The following ANKRD36C variants were observed in gnomAD, a reference collection of about 807,000 sequenced individuals.
ANKRD36C encodes the protein ankyrin repeat domain-containing protein 36C.
A neutral mutation model predicts 276.4 loss-of-function variants in ANKRD36C; 61 were observed. The ratio of observed to expected loss-of-function variants is 0.22; its 90% CI spans 0.18 to 0.27. The LOEUF is 0.27. ANKRD36C is among the 10% of genes least tolerant of loss of function. The pLI, the probability that ANKRD36C is intolerant of heterozygous loss-of-function variation, is 1.00. For synonymous variants in ANKRD36C, 483 were observed against 680.1 expected (o/e 0.71, Z 4.51); for missense variants, 1,447 against 2,032.3 (o/e 0.71, Z 5.54).
At chr2:95,852,325 T>G (rs74595582) in intron 64 of ANKRD36C, 129 bp from the exon 85 acceptor site, 1 of 766,410 alleles carries the variant, frequency 1.3e-6, no homozygotes, top group South Asian at 1.8e-5. Context: ...TAAAAGGTCA[T>G]AATCTAGGAG....
intron 24 of ANKRD36C, among the ~76,000 whole-genome samples, chr2:95,929,559 G>A: frequency 6.6e-6 from 1 of 151,568 alleles, no homozygotes; most frequent in East Asian, 1.9e-4. Flanking sequence ...GATATGCTGA[G>A]TGATGAGGAC....
chr2:95,897,351 A>T lies in ANKRD36C; in HGVS notation c.2755+1794T>A, dbSNP rs1470776800. On this transcript the variant is annotated intron_variant, in intron 44 of 66. Coordinates refer to ENST00000456556, the Ensembl canonical transcript of ANKRD36C. ...TTCTCATCTCTTGTAGCCTGAATGGAATTTGAAATGAAATAATAAATTAAT... is the reference window on the plus strand; with the variant it reads ...TTCTCATCTCTTGTAGCCTGAATGGTATTTGAAATGAAATAATAAATTAAT... The T allele has an allele frequency of 8.4e-6, 13 of 1,556,084 alleles. No homozygotes were observed. Among genetic ancestry groups the T allele is most frequent in the Non-Finnish European group, 1.0e-5 (12 of 1,146,406 alleles).
chr2:95,989,333 A>G (rs948489014), intron 1 of ANKRD36C, among the ~76,000 whole-genome samples: 32 of 152,252 alleles, frequency 2.1e-4, no homozygotes, highest in African/African-American at 7.7e-4. Flanking sequence ...ATCACGGATA[A>G]GAAAAAATAT....
Position 95,982,236 on chromosome 2 carries a change from A to G in ANKRD36C, c.593+20T>C, listed in dbSNP as rs1052716264. On this transcript the variant is annotated intron_variant, in intron 4 of 66. Transcript: ENST00000456556. The stretch of plus-strand genomic sequence containing the variant: ...GACACTCAGGTTTAAAAACAACACA[A>G]TAAGAACTAAGGTCTGTACCTGCCA... 4.0e-6 allele frequency: 6 copies of G among 1,501,036 alleles called. No individual in the cohort carries two copies. In the African/African-American group the frequency reaches 5.7e-5, roughly 14 times the overall value. 93.0% of individuals were successfully genotyped at this position (1,501,036 alleles called of 1,614,324 possible).
intron 24 of ANKRD36C, among the ~76,000 whole-genome samples, chr2:95,931,778 C>A (rs1677577716): frequency 6.7e-6 from 1 of 148,662 alleles, no homozygotes; most frequent in African/African-American, 2.5e-5. Flanking sequence ...AAATATGGAA[C>A]AGAAACATTT....
chr2:95,929,019 A>G (rs76282476), intron 26 of ANKRD36C, 53 bp downstream of exon 26: 2 of 1,597,154 alleles, frequency 1.3e-6, no homozygotes, highest in Non-Finnish European at 1.7e-6. Context: ...GGGGAAGGGA[A>G]GTTCTCTTCC....
intron 13 of ANKRD36C, 93 bp downstream of exon 13, chr2:95,956,693 C>G: frequency 8.7e-7 from 1 of 1,151,642 alleles, no homozygotes; most frequent in Admixed American, 2.3e-5. Flanking sequence ...AATACGGTGT[C>G]TAGCACAGAG....
At chr2:95,873,610 G>C (rs1675867004) in intron 59 of ANKRD36C, among the ~76,000 whole-genome samples, 1 of 152,004 alleles carries the variant, frequency 6.6e-6, no homozygotes, top group South Asian at 2.1e-4. Context: ...ACTGGCACAA[G>C]AGGGCACAAG....
At chr2:95,874,065 G>A (rs1336344198) in intron 59 of ANKRD36C, among the ~76,000 whole-genome samples, 1 of 151,874 alleles carries the variant, frequency 6.6e-6, no homozygotes, top group African/African-American at 2.4e-5. Flanking sequence ...CATGCTCATG[G>A]GTAGGAAGAA....
chr2:95,970,996 T>C (rs1678685483), intron 6 of ANKRD36C, among the ~76,000 whole-genome samples: 1 of 152,100 alleles, frequency 6.6e-6, no homozygotes, highest in African/African-American at 2.4e-5. Context: ...GCATATGCCA[T>C]TAAATCCTAC....
chr2:95,984,146 C>T (rs1231017990), intron 3 of ANKRD36C, among the ~76,000 whole-genome samples: 3 of 151,722 alleles, frequency 2.0e-5, no homozygotes, highest in African/African-American at 7.3e-5. Context: ...ATAGACTCTA[C>T]ATTTAAATAA....
In ANKRD36C at chr2:95,858,165, C is replaced by T. The variant is rs10199749; in HGVS notation, c.3897-673G>A. Among the ~76,000 whole-genome samples the T allele has an allele frequency of 4.7e-3, 700 of 149,650 alleles. 7 individuals are homozygous for T. The highest frequency in any genetic ancestry group is 0.013 in the African/African-American group (513 of 39,808). On this transcript the variant is annotated intron_variant, in intron 61 of 66. Coordinates refer to ENST00000456556, the Ensembl canonical transcript of ANKRD36C. Reference sequence around the variant, plus strand: ...TAAAACCAAGCTGCGACCCAACCACCTTGGGCACATGTTCTCAGGACCTCC... The same window carrying T: ...TAAAACCAAGCTGCGACCCAACCACTTTGGGCACATGTTCTCAGGACCTCC...
chr2:95,897,272 C>T, intron 44 of ANKRD36C: 1 of 1,504,700 alleles, frequency 6.6e-7, no homozygotes, highest in Non-Finnish European at 9.0e-7. Flanking sequence ...AAAATTACCT[C>T]TCCTAGTTTT....
At chr2:95,911,483 G>C (rs1461972871) in intron 42 of ANKRD36C, among the ~76,000 whole-genome samples, 1 of 151,386 alleles carries the variant, frequency 6.6e-6, no homozygotes, top group Non-Finnish European at 1.5e-5. Flanking sequence ...TTATCCAAGA[G>C]GTGGCTCCTT....
chr2:95,871,161 G>A (rs1239047981), intron 59 of ANKRD36C, among the ~76,000 whole-genome samples: 1 of 152,042 alleles, frequency 6.6e-6, no homozygotes, highest in Non-Finnish European at 1.5e-5. Flanking sequence ...AGGAAATACA[G>A]ACAACGCCAC....
intron 50 of ANKRD36C, among the ~76,000 whole-genome samples, chr2:95,886,563 C>G (rs1338019633): frequency 6.6e-6 from 1 of 151,724 alleles, no homozygotes; most frequent in East Asian, 1.9e-4. Flanking sequence ...ACAGAAGAAA[C>G]TAATCACCTG....
intron 13 of ANKRD36C, 85 bp from the exon 14 acceptor site, chr2:95,954,090 A>T (rs79612785): frequency 1.4e-6 from 2 of 1,449,592 alleles, no homozygotes; most frequent in Non-Finnish European, 9.1e-7. Flanking sequence ...ATGTATGTCC[A>T]CTCCAAAAAA....
At chr2:95,958,481 G>A (rs1033186116) in intron 12 of ANKRD36C, 110 bp downstream of exon 12, 67 of 1,385,450 alleles carry the variant, frequency 4.8e-5, no homozygotes, top group Non-Finnish European at 5.9e-5. Context: ...TCTCAGGCCC[G>A]CTGAATCAGA....
intron 60 of ANKRD36C, among the ~76,000 whole-genome samples, chr2:95,866,308 T>G (rs1675682504): frequency 1.3e-5 from 2 of 152,350 alleles, no homozygotes; most frequent in South Asian, 2.1e-4. Context: ...ATTAAAATCT[T>G]CTGCTCTTCA....
Sources: gnomAD v4.1 joint callset for allele counts (sites outside exome capture counted in the v4.1 genomes callset) on GRCh38, gnomAD v4.1.1 for gene constraint, MANE v1.5 for transcripts, NCBI Gene and HGNC (gene_info 2026-07-23, HGNC 2026-07-21) for gene names.